Variants in NECTIN1 observed in about 807,000 individuals in gnomAD.
NECTIN1 encodes the protein nectin-1.
A neutral mutation model predicts 48.0 loss-of-function variants in NECTIN1; 23 were observed. The observed-to-expected ratio is 0.48, with a 90% CI of 0.34 to 0.68. The LOEUF (loss-of-function observed/expected upper bound fraction) is 0.68. Ranked by LOEUF, NECTIN1 falls within the 30% of genes least tolerant of loss-of-function variation. NECTIN1 has a pLI of 0.01. For synonymous variants in NECTIN1, 270 were observed against 288.9 expected, an observed-to-expected ratio of 0.93 and a Z score of 0.66; for missense variants, 591 against 709.9, an observed-to-expected ratio of 0.83 and a Z score of 1.90.
chr11:119,726,918 T>A (rs978520223), intron 1 of NECTIN1, among the ~76,000 whole-genome samples: 2 of 151,958 alleles, frequency 1.3e-5, no homozygotes, highest in African/African-American at 4.8e-5. Flanking sequence ...CTGGCTGGCT[T>A]CCCAGGCCAT....
In NECTIN1 at chr11:119,663,998, C is replaced by T; in HGVS notation, c.*749G>A. ...AGCAGAGGCAGAGAGCAAGTGTGGGCTGGAGCCCACCTGGAGCCCCTAATG... is the reference window on the plus strand; with the variant it reads ...AGCAGAGGCAGAGAGCAAGTGTGGGTTGGAGCCCACCTGGAGCCCCTAATG... On this transcript the variant is annotated 3_prime_UTR_variant, in exon 6 of 6. Coordinates refer to ENST00000264025, the MANE Select transcript of NECTIN1 (RefSeq NM_002855.5). The T allele has an allele frequency of 2.0e-6, 2 of 986,000 alleles. No homozygotes were observed. Among genetic ancestry groups the T allele is most frequent in the Non-Finnish European group, 2.4e-6 (2 of 830,492 alleles). The allele number at this position is 986,000 out of a possible 1,614,324, so 61.1% of individuals were successfully genotyped here.
chr11:119,649,417 G>A (rs1423291863), intron 5 of NECTIN1, among the ~76,000 whole-genome samples: 1 of 151,434 alleles, frequency 6.6e-6, no homozygotes, highest in Non-Finnish European at 1.5e-5. Context: ...GCTGGGTGCA[G>A]TGGCTCACGC....
chr11:119,723,216 CAAAAAAAAAAAAAAA>C (rs34528775), intron 1 of NECTIN1, among the ~76,000 whole-genome samples: 1 of 59,236 alleles, frequency 1.7e-5, no homozygotes, highest in Non-Finnish European at 3.1e-5. Context: ...GACTCTGTCT[CAAAAAAAAAAAAAAA>C]AAAAAAAAAA....
chr11:119,721,462 C>T (rs889400326), intron 1 of NECTIN1, among the ~76,000 whole-genome samples: 5 of 152,224 alleles, frequency 3.3e-5, no homozygotes, highest in Admixed American at 1.3e-4. Context: ...TCCCAACTCC[C>T]GAAGCTGTGT....
rs532000006 is a variant in NECTIN1 at position 119,649,377 on chromosome 11, C to T, written c.1004-9365G>A. On this transcript the variant is annotated intron_variant, in intron 5 of 7. Coordinates refer to the NECTIN1 transcript ENST00000341398. ...GCCTGACAACAGAGTGAGACTCCAT[C>T]TCAAAAAAAAAAAAGAAAAAGAAAA... Among the ~76,000 whole-genome samples the T allele has an allele frequency of 2.8e-5, 4 of 145,086 alleles. No individual in the cohort carries two copies. The South Asian group carries it at 8.8e-4, about 32-fold the overall frequency.
chr11:119,697,212 G>A (rs1434500366), intron 1 of NECTIN1, among the ~76,000 whole-genome samples: 1 of 152,202 alleles, frequency 6.6e-6, no homozygotes, highest in Non-Finnish European at 1.5e-5. Context: ...CCGAGAGAGG[G>A]GGGTAGGGAA....
At chr11:119,721,888 C>T (rs1483291614) in intron 1 of NECTIN1, among the ~76,000 whole-genome samples, 1 of 152,272 alleles carries the variant, frequency 6.6e-6, no homozygotes, top group Non-Finnish European at 1.5e-5. Context: ...GTGGTCAGCT[C>T]TGGCTGGGCC....
In NECTIN1 at chr11:119,662,865, G is replaced by C; in HGVS notation, c.*1882C>G. 3 of 986,102 alleles carry C rather than the reference G, an allele frequency of 3.0e-6. No homozygotes were observed. Among genetic ancestry groups the C allele is most frequent in the Non-Finnish European group, 3.6e-6 (3 of 830,142 alleles). The allele number at this position is 986,102 out of a possible 1,614,324, so 61.1% of individuals were successfully genotyped here. A position where few individuals can be genotyped will look rare whatever the true frequency, so the allele number is the denominator to read the frequency against. ...ATGTGTAGAGGGGAGAGCCGCACCA[G>C]GGCTGGCATGGCTTCAGACTTCTGC... On this transcript the variant is annotated 3_prime_UTR_variant, in exon 6 of 6. Transcript: ENST00000264025. This position sits in a 1 kb window ranked among gnomAD's most constrained non-coding sequence, Gnocchi z 5.3.
chr11:119,638,099 TA>T lies in NECTIN1; in HGVS notation c.1375del (p.Ter459delextTer?), dbSNP rs921524735. The T allele has an allele frequency of 1.2e-6, 2 of 1,611,792 alleles. No individual in the cohort carries two copies. Among genetic ancestry groups the T allele is most frequent in the African/African-American group, 2.7e-5 (2 of 74,826 alleles). On this transcript the variant is annotated frameshift_variant and stop_lost, in exon 8 of 8. Coordinates refer to the NECTIN1 transcript ENST00000341398. LOFTEE classifies it high-confidence loss of function. ...ATGGCCAGGCTGGGTGGTCCTGGGC[TA>T]GGGGCACTCTCCTCGAGGTTCGGTT...
chr11:119,670,301 C>T (rs1347142692), intron 5 of NECTIN1, among the ~76,000 whole-genome samples: 1 of 152,168 alleles, frequency 6.6e-6, no homozygotes, highest in Non-Finnish European at 1.5e-5. Context: ...TGTCTTTCCT[C>T]CTATGCGAAA....
chr11:119,639,680 G>T (rs767408714), intron 6 of NECTIN1: 2 of 709,854 alleles, frequency 2.8e-6, no homozygotes, highest in Non-Finnish European at 4.7e-6. Context: ...TGCCTGGCAC[G>T]TAGCAATCAC....
chr11:119,638,655 C>A, intron 7 of NECTIN1: 1 of 1,354,820 alleles, frequency 7.4e-7, no homozygotes, highest in Admixed American at 1.9e-5. Flanking sequence ...AGCTTGGGCT[C>A]TCTCCTTGGG....
At chr11:119,638,153 G>T (rs1189765768) in exon 8 of NECTIN1, 3 of 1,613,794 alleles carry the variant, frequency 1.9e-6, no homozygotes, top group Non-Finnish European at 2.5e-6. Flanking sequence ...GTAGGAGGGG[G>T]AGACCCCCAG....
intron 5 of NECTIN1, among the ~76,000 whole-genome samples, chr11:119,653,135 G>A (rs1864516400): frequency 6.6e-6 from 1 of 152,152 alleles, no homozygotes; most frequent in South Asian, 2.1e-4. Context: ...CTTGATCCGG[G>A]GGTGGTGACA....
chr11:119,644,194 G>T (rs1015215041), intron 5 of NECTIN1, among the ~76,000 whole-genome samples: 2 of 152,222 alleles, frequency 1.3e-5, no homozygotes, highest in African/African-American at 2.4e-5. Flanking sequence ...TGGTTTTCCT[G>T]TCCCTCAGAC....
chr11:119,711,056 T>C (rs1865635179), intron 1 of NECTIN1, among the ~76,000 whole-genome samples: 1 of 110,850 alleles, frequency 9.0e-6, no homozygotes, highest in South Asian at 2.7e-4. Flanking sequence ...TTAAATAGGG[T>C]TGCCAAAAAA....
intron 5 of NECTIN1, among the ~76,000 whole-genome samples, chr11:119,655,252 C>G (rs528145277): frequency 4.0e-5 from 6 of 151,742 alleles, no homozygotes; most frequent in Non-Finnish European, 7.4e-5. Flanking sequence ...TTTAGGCTCA[C>G]AATCAGATTG....
chr11:119,664,967 C>CCTCCT lies in NECTIN1; in HGVS notation c.1333_1334insAGGAG (p.Gly445GlufsTer155). On this transcript the variant is annotated frameshift_variant, in exon 6 of 6. Coordinates refer to ENST00000264025, the MANE Select transcript of NECTIN1 (RefSeq NM_002855.5). LOFTEE classifies it high-confidence loss of function. Reference sequence around the variant, plus strand: ...CACCTTGCGCTCGCCCCCTCCACCGCCCTCCTCCTCCTCCTCCTCCTCCTC... The same window carrying CCTCCT: ...CACCTTGCGCTCGCCCCCTCCACCGCCTCCTCCTCCTCCTCCTCCTCCTCCTCCTC... The CCTCCT allele has an allele frequency of 6.2e-7, 1 of 1,610,564 alleles. No homozygotes were observed. Among genetic ancestry groups the CCTCCT allele is most frequent in the Non-Finnish European group, 8.5e-7 (1 of 1,177,638 alleles).
chr11:119,674,337 G>A (rs1295826215), intron 5 of NECTIN1: 3 of 1,391,246 alleles, frequency 2.2e-6, no homozygotes, highest in Non-Finnish European at 1.9e-6. Context: ...ACCCCTGTGT[G>A]GACTTGTTTT....
Sources: gnomAD v4.1 joint callset for allele counts (sites outside exome capture counted in the v4.1 genomes callset) on GRCh38, gnomAD v4.1.1 for gene constraint, Gnocchi (gnomAD v3.1) non-coding constraint, MANE v1.5 for transcripts, NCBI Gene and HGNC (gene_info 2026-07-23, HGNC 2026-07-21) for gene names.